Variants in LRP1B observed in about 807,000 individuals in gnomAD.
The protein encoded by LRP1B is LDL receptor related protein 1B.
LRP1B carries 217 observed loss-of-function variants against 556.6 expected under a neutral mutation model. The observed-to-expected ratio is 0.39, with a 90% confidence interval of 0.35 to 0.44. LRP1B has a LOEUF of 0.44. Among genes scored for constraint, LRP1B ranks in the 20% least tolerant of loss-of-function variants. LRP1B has a pLI of 1.00. For synonymous variants in LRP1B, 2,047 were observed against 1,865.8 expected (o/e 1.10, Z -2.50); for missense variants, 5,053 against 5,620.8 (o/e 0.90, Z 3.23).
At chr2:141,886,344 A>G (rs1574463394) in intron 1 of LRP1B, among the ~76,000 whole-genome samples, 1 of 152,182 alleles carries the variant, frequency 6.6e-6, no homozygotes, top group East Asian at 1.9e-4. Context: ...AAATGTTTAC[A>G]CTTTTAAAAA....
chr2:141,791,711 G>C (rs557585017), intron 2 of LRP1B, among the ~76,000 whole-genome samples: 3 of 151,990 alleles, frequency 2.0e-5, no homozygotes, highest in Non-Finnish European at 4.4e-5. Flanking sequence ...CAATGAGACA[G>C]GACACACAGA....
intron 43 of LRP1B, among the ~76,000 whole-genome samples, chr2:140,571,411 A>G (rs1477316345): frequency 6.6e-6 from 1 of 151,862 alleles, no homozygotes; most frequent in Non-Finnish European, 1.5e-5. Flanking sequence ...TCCATTTACA[A>G]TAGTTTTAAG....
chr2:141,572,917 CTA>C (rs1686586678), intron 2 of LRP1B, among the ~76,000 whole-genome samples: 1 of 4,006 alleles, frequency 2.5e-4, no homozygotes, highest in Non-Finnish European at 7.7e-4. Flanking sequence ...TATCTATGCC[CTA>C]TGCCCTAATA....
intron 3 of LRP1B, among the ~76,000 whole-genome samples, chr2:141,264,293 A>G (rs1313170270): frequency 2.0e-5 from 3 of 152,220 alleles, no homozygotes; most frequent in Non-Finnish European, 4.4e-5. Flanking sequence ...TTGTCACTTG[A>G]TAATTTTCAT....
intron 1 of LRP1B, among the ~76,000 whole-genome samples, chr2:142,115,054 A>G (rs1347580056): frequency 6.6e-6 from 1 of 152,130 alleles, no homozygotes; most frequent in Non-Finnish European, 1.5e-5. Context: ...ATAGAAATAC[A>G]TAAGGTAATG....
intron 37 of LRP1B, among the ~76,000 whole-genome samples, chr2:140,704,364 A>T (rs1038523415): frequency 6.6e-6 from 1 of 152,130 alleles, no homozygotes; most frequent in Non-Finnish European, 1.5e-5. Context: ...TAAAATAAAC[A>T]TTGTAGAGTT....
At chr2:140,923,328 T>C (rs1303690371) in intron 20 of LRP1B, among the ~76,000 whole-genome samples, 181 bp from the exon 21 acceptor site, 2 of 152,226 alleles carry the variant, frequency 1.3e-5, no homozygotes, top group South Asian at 2.1e-4. Context: ...TAGTATTTTC[T>C]AATTCATTTA....
At chr2:141,308,841 T>C (rs1469407300) in intron 3 of LRP1B, among the ~76,000 whole-genome samples, 1 of 152,174 alleles carries the variant, frequency 6.6e-6, no homozygotes, top group Non-Finnish European at 1.5e-5. Flanking sequence ...TGTTACCAAA[T>C]AGCCTTTTTG....
At chr2:141,451,196 C>T (rs1681409621) in intron 3 of LRP1B, among the ~76,000 whole-genome samples, 1 of 152,090 alleles carries the variant, frequency 6.6e-6, no homozygotes, top group Non-Finnish European at 1.5e-5. Context: ...AGCCAAGACC[C>T]TGAGTGTGTG....
intron 81 of LRP1B, among the ~76,000 whole-genome samples, chr2:140,322,415 A>G (rs1448952596): frequency 1.3e-5 from 2 of 152,018 alleles, no homozygotes; most frequent in Non-Finnish European, 2.9e-5. Context: ...TACCATTGGG[A>G]CTGTGTTGGA....
At chr2:140,961,075 T>C (rs960410353) in intron 18 of LRP1B, among the ~76,000 whole-genome samples, 1 of 151,940 alleles carries the variant, frequency 6.6e-6, no homozygotes, top group Non-Finnish European at 1.5e-5. Flanking sequence ...TTAATCCTCA[T>C]GCCAACAATA....
chr2:140,416,628 C>G (rs1180448324), intron 66 of LRP1B, among the ~76,000 whole-genome samples: 1 of 151,654 alleles, frequency 6.6e-6, no homozygotes, highest in Admixed American at 6.6e-5. Context: ...GCACTCCAGC[C>G]TGGGCAAGAC....
intron 1 of LRP1B, among the ~76,000 whole-genome samples, chr2:142,129,288 G>C (rs547837285): frequency 5.9e-5 from 9 of 152,264 alleles, no homozygotes; most frequent in Admixed American, 1.3e-4. Context: ...TGGTTAGGTG[G>C]CAATGATATG....
At chr2:140,671,220 G>GA (rs1380255474) in intron 41 of LRP1B, among the ~76,000 whole-genome samples, 7 of 151,898 alleles carry the variant, frequency 4.6e-5, no homozygotes, top group Admixed American at 4.0e-4. Flanking sequence ...GGCTCATTTA[G>GA]AAAAAAATAT....
At chr2:140,597,659 C>T (rs992972321) in intron 43 of LRP1B, among the ~76,000 whole-genome samples, 2 of 152,114 alleles carry the variant, frequency 1.3e-5, no homozygotes, top group Non-Finnish European at 2.9e-5. Flanking sequence ...TGTGCTTAGC[C>T]ATAGAGAATT....
intron 49 of LRP1B, among the ~76,000 whole-genome samples, chr2:140,521,634 T>TA (rs1214408294): frequency 6.6e-6 from 1 of 151,820 alleles, no homozygotes; most frequent in East Asian, 1.9e-4. Flanking sequence ...CAAATGACAC[T>TA]AAAAATCACC....
At chr2:140,447,484 A>G (rs1291648654) in intron 63 of LRP1B, among the ~76,000 whole-genome samples, 1 of 152,100 alleles carries the variant, frequency 6.6e-6, no homozygotes, top group East Asian at 1.9e-4. Context: ...GTTTAAAAAA[A>G]CTGTACAAAA....
In LRP1B at chr2:141,795,229, CT is replaced by C. The variant is rs531780244; in HGVS notation, c.205+15049del. Among the ~76,000 whole-genome samples, 157 of 152,170 alleles carry C rather than the reference CT, an allele frequency of 1.0e-3. 1 individual carries two copies. Among genetic ancestry groups the C allele is most frequent in the African/African-American group, 3.7e-3 (153 of 41,546 alleles). On this transcript the variant is annotated intron_variant, in intron 2 of 90. Transcript: ENST00000389484. ...TTATCCCTTATATTAGGATATCTTTCTGTAAGTTAAGCAAGGTGAGTACCAT... is the reference window on the plus strand; with the variant it reads ...TTATCCCTTATATTAGGATATCTTTCGTAAGTTAAGCAAGGTGAGTACCAT...
chr2:141,681,361 GGTAA>G (rs1221065117), intron 2 of LRP1B, among the ~76,000 whole-genome samples: 1 of 151,642 alleles, frequency 6.6e-6, no homozygotes, highest in East Asian at 1.9e-4. Context: ...AAAAATTCAA[GGTAA>G]GTCTCAGAAA....
Sources: gnomAD v4.1 joint callset for allele counts (sites outside exome capture counted in the v4.1 genomes callset) on GRCh38, gnomAD v4.1.1 for gene constraint, MANE v1.5 for transcripts, NCBI Gene and HGNC (gene_info 2026-07-23, HGNC 2026-07-21) for gene names.